Variants in RIMS2 observed in about 807,000 individuals in gnomAD.
RIMS2 encodes the protein regulating synaptic membrane exocytosis 2.
Under a neutral mutation model 174.4 loss-of-function variants are expected in RIMS2, and 59 were observed. That is an observed-to-expected ratio of 0.34 (90% CI 0.27 to 0.42). The LOEUF (loss-of-function observed/expected upper bound fraction) is 0.42. RIMS2 is among the 10% of genes least tolerant of loss of function. The pLI is 1.00. For synonymous variants in RIMS2, 606 were observed against 572.5 expected (o/e 1.06, Z -0.84); for missense variants, 1,620 against 1,666.3 (o/e 0.97, Z 0.48).
intron 17 of RIMS2, among the ~76,000 whole-genome samples, chr8:104,004,718 GAC>G (rs1266517687): frequency 6.6e-6 from 1 of 152,122 alleles, no homozygotes; most frequent in East Asian, 1.9e-4. Context: ...ACAGAAAAAA[GAC>G]AGAATGATTG....
chr8:103,890,565 G>C (rs1242427430), intron 4 of RIMS2, among the ~76,000 whole-genome samples: 1 of 151,982 alleles, frequency 6.6e-6, no homozygotes, highest in Admixed American at 6.6e-5. Context: ...TGTATGTCTT[G>C]TAACACTTTT....
intron 3 of RIMS2, among the ~76,000 whole-genome samples, chr8:103,884,815 A>G (rs1043350231): frequency 3.3e-5 from 5 of 151,920 alleles, no homozygotes; most frequent in African/African-American, 9.7e-5. Flanking sequence ...ATGAAAAATG[A>G]TTTTTAAGAG....
In RIMS2 at chr8:104,180,907, G is replaced by A. The variant is rs186207294; in HGVS notation, c.3335-64009G>A. Among the ~76,000 whole-genome samples the A allele has an allele frequency of 1.6e-3, 240 of 151,806 alleles. 1 individual carries two copies. Among genetic ancestry groups the A allele is most frequent in the African/African-American group, 5.4e-3 (225 of 41,526 alleles). On this transcript the variant is annotated intron_variant, in intron 19 of 23. Coordinates refer to ENST00000504942, the Ensembl canonical transcript of RIMS2. ...TTTCTAATTCTTCTCATTTAAATGTGCTACTGATTAAAAGTGGACAATATG... is the reference window on the plus strand; with the variant it reads ...TTTCTAATTCTTCTCATTTAAATGTACTACTGATTAAAAGTGGACAATATG...
intron 19 of RIMS2, among the ~76,000 whole-genome samples, chr8:104,094,894 A>G (rs2097730160): frequency 6.6e-6 from 1 of 152,078 alleles, no homozygotes; most frequent in Non-Finnish European, 1.5e-5. Flanking sequence ...AAATAGATTG[A>G]TTTATTAAAC....
chr8:103,985,838 G>T (rs913778123), intron 16 of RIMS2, among the ~76,000 whole-genome samples: 1 of 152,052 alleles, frequency 6.6e-6, no homozygotes, highest in African/African-American at 2.4e-5. Flanking sequence ...AACCTAGAGG[G>T]CATTATGTTA....
At chr8:103,999,811 C>T (rs1198185151) in intron 17 of RIMS2, among the ~76,000 whole-genome samples, 2 of 151,708 alleles carry the variant, frequency 1.3e-5, no homozygotes, top group African/African-American at 2.4e-5. Flanking sequence ...TCTTGATCAT[C>T]TCAATTTTGT....
At chr8:103,885,530 G>A (rs755631676) in exon 4 of RIMS2, 6 of 1,612,056 alleles carry the variant, frequency 3.7e-6, no homozygotes, top group South Asian at 1.1e-5. Flanking sequence ...TATTGTAGAT[G>A]ATGAGGATGT....
At chr8:104,075,737 T>G (rs1243854140) in intron 19 of RIMS2, among the ~76,000 whole-genome samples, 1 of 152,202 alleles carries the variant, frequency 6.6e-6, no homozygotes, top group African/African-American at 2.4e-5. Context: ...CCTGCTGATA[T>G]GGGAGCATAA....
intron 1 of RIMS2, among the ~76,000 whole-genome samples, chr8:103,664,893 T>C (rs955241122): frequency 6.6e-6 from 1 of 152,194 alleles, no homozygotes; most frequent in Non-Finnish European, 1.5e-5. Flanking sequence ...CCATCACTGA[T>C]AGACTGGATT....
At chr8:103,838,252 C>G (rs148229556) in intron 3 of RIMS2, among the ~76,000 whole-genome samples, 199 of 152,128 alleles carry the variant, frequency 1.3e-3, no homozygotes, top group African/African-American at 4.5e-3. Context: ...GATCTTGTTC[C>G]CTCCATTTTC....
Position 103,866,070 on chromosome 8 carries a change from CT to C in RIMS2, c.699-19225del, listed in dbSNP as rs1392672772. 2.0e-5 allele frequency among the ~76,000 whole-genome samples: 3 copies of C among 152,082 alleles called. No individual in the cohort carries two copies. In the East Asian group the frequency reaches 5.8e-4, roughly 29 times the overall value. ...AGGTTTTTTATTCTGAATTTATAAA[CT>C]TTCTTAGAAAACAGTAATATTTTTA... is the stretch of plus-strand genomic sequence containing the variant. On this transcript the variant is annotated intron_variant, in intron 3 of 23. Transcript: ENST00000504942.
chr8:103,982,466 T>A, intron 16 of RIMS2, among the ~76,000 whole-genome samples: 1 of 145,170 alleles, frequency 6.9e-6, no homozygotes. Flanking sequence ...GACCAATATC[T>A]CTAATGAATA....
rs1426823624 is a variant in RIMS2, at chr8:103,697,311, A to G, written c.387+15A>G. The G allele has an allele frequency of 3.8e-6, 6 of 1,569,128 alleles. No individual in the cohort carries two copies. The South Asian group carries it at 6.7e-5, about 17-fold the overall frequency. On this transcript the variant is annotated intron_variant, in intron 2 of 23. Coordinates refer to ENST00000504942, the Ensembl canonical transcript of RIMS2. ...GCTCAAACAAGGTACAGAAATGAAA[A>G]TTACAGTTCTCTTCTAGTTAAGCTT...
At chr8:103,529,627 C>T (rs1025011399) in intron 1 of RIMS2, among the ~76,000 whole-genome samples, 2 of 152,184 alleles carry the variant, frequency 1.3e-5, no homozygotes, top group Admixed American at 6.5e-5. Context: ...GCTCTGCACC[C>T]ACGGTCCTGC....
intron 1 of RIMS2, among the ~76,000 whole-genome samples, chr8:103,607,336 C>G (rs1008111819): frequency 2.4e-4 from 36 of 152,014 alleles, no homozygotes; most frequent in Non-Finnish European, 4.4e-4. Flanking sequence ...GGCCCCCACT[C>G]TCTTCTGGCT....
intron 1 of RIMS2, among the ~76,000 whole-genome samples, chr8:103,651,547 A>T (rs1243510712): frequency 2.0e-5 from 3 of 152,214 alleles, no homozygotes; most frequent in African/African-American, 7.2e-5. Flanking sequence ...ACTCAGCAGA[A>T]CTAGAAGTAA....
At chr8:103,948,523 A>G (rs1365197644) in intron 14 of RIMS2, among the ~76,000 whole-genome samples, 4 of 152,232 alleles carry the variant, frequency 2.6e-5, no homozygotes, top group African/African-American at 7.2e-5. Context: ...ATACTACAAT[A>G]TAGTCAAACC....
chr8:103,939,492 G>A (rs1159824728), intron 13 of RIMS2, among the ~76,000 whole-genome samples: 1 of 152,184 alleles, frequency 6.6e-6, no homozygotes, highest in East Asian at 1.9e-4. Context: ...CTTCTTCCTA[G>A]GCCTCCAGGC....
rs201996486 is a variant in RIMS2 at position 103,813,389 on chromosome 8, C to CTTCTTTCT, written c.698+46871_698+46878dup. ...TCTTAAATAATTTTAAGAATTTACA[C>CTTCTTTCT]TTCTTTCTTTCTTTCTTTCTTTCTT... On this transcript the variant is annotated intron_variant, in intron 3 of 23. Transcript: ENST00000504942. 8.2e-4 allele frequency among the ~76,000 whole-genome samples: 121 copies of CTTCTTTCT among 147,380 alleles called. 2 individuals carry two copies. The highest frequency in any genetic ancestry group is 2.6e-3 in the African/African-American group (104 of 39,732).
Sources: gnomAD v4.1 joint callset for allele counts (sites outside exome capture counted in the v4.1 genomes callset) on GRCh38, gnomAD v4.1.1 for gene constraint, MANE v1.5 for transcripts, NCBI Gene and HGNC (gene_info 2026-07-23, HGNC 2026-07-21) for gene names.